JAKMIP3: variants seen among roughly 807,000 people sequenced by gnomAD.
JAKMIP3 encodes Janus kinase and microtubule interacting protein 3, also known as janus kinase and microtubule-interacting protein 3.
JAKMIP3 carries 58 observed loss-of-function variants against 118.5 expected under a neutral mutation model. The ratio of observed to expected loss-of-function variants is 0.49; its 90% CI spans 0.40 to 0.61. The LOEUF (loss-of-function observed/expected upper bound fraction) is 0.61, where lower values mean the gene tolerates loss of function less well. JAKMIP3 is among the 20% of genes least tolerant of loss of function. The probability of loss-of-function intolerance (pLI) is 0.00; values close to 1 mark genes in which losing one functional copy is unlikely to be tolerated. For missense variants in JAKMIP3, 950 were observed against 1,109.0 expected, an observed-to-expected ratio of 0.86 and a Z score of 2.04; for synonymous variants, 486 against 451.2, an observed-to-expected ratio of 1.08 and a Z score of -0.98.
At position 132,168,549 on chromosome 10, in the gene JAKMIP3, C is replaced by A; in HGVS notation, c.*619C>A. On this transcript the variant is annotated 3_prime_UTR_variant, in exon 23 of 24. Coordinates refer to ENST00000684848, the MANE Select transcript of JAKMIP3 (RefSeq NM_001323087.2). ...ACCCGCTGGCCAACAGACCCCACATCCACCCTCGTTCATCATCATCTCTGT... is the reference window on the plus strand; with the variant it reads ...ACCCGCTGGCCAACAGACCCCACATACACCCTCGTTCATCATCATCTCTGT... 1 of 417,290 alleles carries A rather than the reference C, an allele frequency of 2.4e-6. No homozygotes were observed. Among genetic ancestry groups the A allele is most frequent in the Non-Finnish European group, 4.3e-6 (1 of 234,680 alleles). 25.8% of individuals were successfully genotyped at this position (417,290 alleles called of 1,614,324 possible).
chr10:132,139,124 G>C (rs1396175168), intron 9 of JAKMIP3, among the ~76,000 whole-genome samples: 1 of 145,452 alleles, frequency 6.9e-6, no homozygotes, highest in Non-Finnish European at 1.5e-5. Flanking sequence ...GTATGCATCT[G>C]TGTGTGTGTG....
rs1330724665 is a variant in JAKMIP3, at chr10:132,180,600, T to C, written c.*1104-1757T>C. Among the ~76,000 whole-genome samples the C allele has an allele frequency of 3.1e-3, 121 of 39,096 alleles. 20 individuals are homozygous for C. Among genetic ancestry groups the C allele is most frequent in the South Asian group, 0.025 (17 of 680 alleles). 25.6% of individuals were successfully genotyped at this position (39,096 alleles called of 152,430 possible). A position where few individuals can be genotyped will look rare whatever the true frequency, so the allele number is the denominator to read the frequency against. Reference sequence around the variant, plus strand: ...GTGTGCGTGCGCGTGTGTGTGTGCGTGCGCGTGTGTGTGTGCGTGTGTGTG... The same window carrying C: ...GTGTGCGTGCGCGTGTGTGTGTGCGCGCGCGTGTGTGTGTGCGTGTGTGTG... On this transcript the variant is annotated intron_variant, in intron 23 of 23. Transcript: ENST00000684848.
intron 14 of JAKMIP3, 82 bp downstream of exon 14, chr10:132,148,132 C>CTGCACA: frequency 1.7e-6 from 1 of 598,710 alleles, no homozygotes; most frequent in Non-Finnish European, 2.9e-6. Flanking sequence ...ACACAAAGCC[C>CTGCACA]TGAACATGAA....
At position 132,179,635 on chromosome 10, in the gene JAKMIP3, C is replaced by T. The variant is rs1198250663; in HGVS notation, c.*1104-2722C>T. Among the ~76,000 whole-genome samples, 1 of 151,874 alleles carries T rather than the reference C, an allele frequency of 6.6e-6. No homozygotes were observed. The highest frequency in any genetic ancestry group is 1.5e-5 in the Non-Finnish European group (1 of 67,970). Reference sequence around the variant, plus strand: ...CAGTGAAAGCAGATGTTCTGGGGGTCCCCGAGACCACCTGCATCTCTGGGG... The same window carrying T: ...CAGTGAAAGCAGATGTTCTGGGGGTTCCCGAGACCACCTGCATCTCTGGGG... On this transcript the variant is annotated intron_variant, in intron 23 of 23. Transcript: ENST00000684848. This position sits in a 1 kb window ranked among gnomAD's most constrained non-coding sequence, Gnocchi z 4.3.
At position 132,075,534 on chromosome 10, in the gene JAKMIP3, C is replaced by T. The variant is rs147338763; in HGVS notation, c.-138+9473C>T. ...AGGTGATCCTTCAATCTCAGCCTCC[C>T]GAGTAGCTGGGATTACAGGCATGCA... On this transcript the variant is annotated intron_variant, in intron 1 of 23. Coordinates refer to ENST00000684848, the MANE Select transcript of JAKMIP3 (RefSeq NM_001323087.2). 2.4e-3 allele frequency among the ~76,000 whole-genome samples: 367 copies of T among 151,804 alleles called. 1 individual carries two copies. The highest frequency in any genetic ancestry group is 0.011 in the Admixed American group (160 of 15,238).
At chr10:132,047,131 C>T (rs2037941707) in intron 1 of JAKMIP3, among the ~76,000 whole-genome samples, 1 of 152,120 alleles carries the variant, frequency 6.6e-6, no homozygotes, top group East Asian at 1.9e-4. Flanking sequence ...CAGCAATCCT[C>T]CTAAAGTGCT....
intron 2 of JAKMIP3, among the ~76,000 whole-genome samples, chr10:132,115,999 C>T (rs1018282870): frequency 2.0e-5 from 3 of 152,218 alleles, no homozygotes; most frequent in Non-Finnish European, 4.4e-5. Context: ...GCCTGGCCCA[C>T]GGCAGGCAGC....
intron 23 of JAKMIP3, among the ~76,000 whole-genome samples, chr10:132,172,997 T>TTCCCTCTCTCTCTCTC (rs2059677976): frequency 6.0e-5 from 1 of 16,676 alleles, no homozygotes; most frequent in Non-Finnish European, 1.1e-4. Flanking sequence ...CTCTCTCTCC[T>TTCCCTCTCTCTCTCTC]TCCCTCTCTC....
At position 132,172,818 on chromosome 10, in the gene JAKMIP3, G is replaced by A. The variant is rs77353646; in HGVS notation, c.*1103+3785G>A. ...GCAGTGTGCAGAAACCAAGGTCTCTGGACCTGGGTGTGCTTGTTGCTACTG... is the reference window on the plus strand; with the variant it reads ...GCAGTGTGCAGAAACCAAGGTCTCTAGACCTGGGTGTGCTTGTTGCTACTG... On this transcript the variant is annotated intron_variant, in intron 23 of 23. Transcript: ENST00000684848. 2.2e-3 allele frequency among the ~76,000 whole-genome samples: 332 copies of A among 151,828 alleles called. 1 individual carries two copies. The highest frequency in any genetic ancestry group is 4.2e-3 in the Non-Finnish European group (288 of 67,886).
chr10:132,157,950 GA>G (rs1040681334), intron 19 of JAKMIP3, among the ~76,000 whole-genome samples: 18 of 146,710 alleles, frequency 1.2e-4, no homozygotes, highest in African/African-American at 3.0e-4. Flanking sequence ...ACTTCGTACA[GA>G]AAAAAAAAAG....
At chr10:132,153,137 G>C (rs1229308698) in intron 17 of JAKMIP3, 114 bp downstream of exon 17, 2 of 792,626 alleles carry the variant, frequency 2.5e-6, no homozygotes, top group Admixed American at 2.1e-5. Context: ...GGGTTTGGGG[G>C]GTCCACTAAG....
At chr10:132,073,154 C>T (rs1438559104) in intron 1 of JAKMIP3, among the ~76,000 whole-genome samples, 3 of 152,096 alleles carry the variant, frequency 2.0e-5, no homozygotes, top group Non-Finnish European at 4.4e-5. Context: ...TTATCCAATC[C>T]TCCACTGATG....
chr10:132,084,183 T>A (rs1026734398), intron 1 of JAKMIP3, among the ~76,000 whole-genome samples: 3 of 151,804 alleles, frequency 2.0e-5, no homozygotes, highest in African/African-American at 7.2e-5. Context: ...TGTTTGTGTT[T>A]CCACTCGTTT....
chr10:132,055,183 C>T (rs981196149), intron 1 of JAKMIP3, among the ~76,000 whole-genome samples: 5 of 152,164 alleles, frequency 3.3e-5, no homozygotes, highest in Non-Finnish European at 4.4e-5. Flanking sequence ...CAGATTCTTT[C>T]CTCAACAGGA....
chr10:132,111,320 A>G (rs879720987), intron 2 of JAKMIP3, among the ~76,000 whole-genome samples: 1 of 150,368 alleles, frequency 6.7e-6, no homozygotes, highest in Non-Finnish European at 1.5e-5. Context: ...TGCTGGGGTT[A>G]CTGCTGAGGA....
At chr10:132,068,634 T>A (rs1222845572) in intron 1 of JAKMIP3, among the ~76,000 whole-genome samples, 1 of 152,220 alleles carries the variant, frequency 6.6e-6, no homozygotes, top group East Asian at 1.9e-4. Flanking sequence ...GTCCTGCACC[T>A]TAGCCCCAGG....
intron 13 of JAKMIP3, among the ~76,000 whole-genome samples, chr10:132,146,287 G>A (rs143345997): frequency 2.2e-4 from 34 of 152,108 alleles, no homozygotes; most frequent in African/African-American, 5.8e-4. Context: ...GGTTTCTCTC[G>A]GCACCTCCCA....
At chr10:132,125,220 A>G (rs1310015872) in intron 3 of JAKMIP3, among the ~76,000 whole-genome samples, 1 of 152,208 alleles carries the variant, frequency 6.6e-6, no homozygotes, top group African/African-American at 2.4e-5. Context: ...ATTTAATTCT[A>G]TAATTCGTCC....
At chr10:132,131,666 G>A (rs540491943) in intron 3 of JAKMIP3, among the ~76,000 whole-genome samples, 1 of 152,128 alleles carries the variant, frequency 6.6e-6, no homozygotes, top group East Asian at 1.9e-4. Context: ...CATAGCATTC[G>A]TCCCAGTGGA....
Sources: gnomAD v4.1 joint callset for allele counts (sites outside exome capture counted in the v4.1 genomes callset) on GRCh38, gnomAD v4.1.1 for gene constraint, Gnocchi (gnomAD v3.1) non-coding constraint, MANE v1.5 for transcripts, NCBI Gene and HGNC (gene_info 2026-07-23, HGNC 2026-07-21) for gene names.